Variants in RAB3GAP1 observed in about 807,000 individuals in gnomAD.
RAB3GAP1 encodes the protein RAB3 GTPase activating protein catalytic subunit 1, also known as rab3 GTPase-activating protein catalytic subunit.
Under a neutral mutation model 130.7 loss-of-function variants are expected in RAB3GAP1, and 86 were observed. That is an observed-to-expected ratio of 0.66 (90% CI 0.55 to 0.79). The LOEUF (loss-of-function observed/expected upper bound fraction) is 0.79, where lower values mean the gene tolerates loss of function less well. Among genes scored for constraint, RAB3GAP1 ranks in the 30% least tolerant of loss-of-function variants. The pLI, the probability that RAB3GAP1 is intolerant of heterozygous loss-of-function variation, is 0.00. For synonymous variants in RAB3GAP1, 367 were observed against 401.7 expected, an observed-to-expected ratio of 0.91 and a Z score of 1.03; for missense variants, 1,029 against 1,169.4, an observed-to-expected ratio of 0.88 and a Z score of 1.75.
chr2:135,132,847 A>T, intron 13 of RAB3GAP1, 48 bp from the exon 14 acceptor site: 2 of 1,107,452 alleles, frequency 1.8e-6, no homozygotes, highest in Non-Finnish European at 2.8e-6. Context: ...AATCAACAAA[A>T]TAGGAAATGT....
chr2:135,115,188 T>C, intron 6 of RAB3GAP1, 28 bp from the exon 7 acceptor site: 3 of 1,587,242 alleles, frequency 1.9e-6, no homozygotes, highest in Non-Finnish European at 2.6e-6. Flanking sequence ...GAGCTTGTAT[T>C]CCATTCCTAT....
intron 18 of RAB3GAP1, among the ~76,000 whole-genome samples, 157 bp from the exon 19 acceptor site, chr2:135,153,492 A>C (rs1157549346): frequency 6.6e-6 from 1 of 152,244 alleles, no homozygotes; most frequent in Non-Finnish European, 1.5e-5. Flanking sequence ...TGATACTTTA[A>C]CATCTGACCT....
At chr2:135,070,624 C>T (rs912037696) in intron 3 of RAB3GAP1, among the ~76,000 whole-genome samples, 1 of 152,176 alleles carries the variant, frequency 6.6e-6, no homozygotes, top group African/African-American at 2.4e-5. Context: ...TCTCTTGCCT[C>T]AGTCTCCCGA....
At chr2:135,151,797 C>T (rs1485772864) in intron 18 of RAB3GAP1, among the ~76,000 whole-genome samples, 1 of 152,254 alleles carries the variant, frequency 6.6e-6, no homozygotes, top group Non-Finnish European at 1.5e-5. Context: ...AATTTTCCAT[C>T]TGACCTCTAG....
intron 5 of RAB3GAP1, among the ~76,000 whole-genome samples, chr2:135,108,704 CGTATCA>C (rs1013924352): frequency 5.9e-5 from 9 of 152,092 alleles, no homozygotes; most frequent in Admixed American, 5.2e-4. Flanking sequence ...TGAAGTCTAG[CGTATCA>C]GTTTGTTCTT....
intron 3 of RAB3GAP1, among the ~76,000 whole-genome samples, chr2:135,071,276 C>G (rs1689465317): frequency 6.6e-6 from 1 of 152,134 alleles, no homozygotes. Context: ...CCAGTCTCTA[C>G]CCCCCTAACT....
chr2:135,130,905 T>C (rs974075906), intron 13 of RAB3GAP1, among the ~76,000 whole-genome samples, 184 bp downstream of exon 13: 2 of 152,218 alleles, frequency 1.3e-5, no homozygotes, highest in African/African-American at 4.8e-5. Flanking sequence ...TGATACCATG[T>C]TGCATGTGAG....
exon 25 of RAB3GAP1, chr2:135,176,351 G>A (rs13419577): frequency 0.28 from 40,946 of 145,148 alleles, 9,112 homozygotes; most frequent in African/African-American, 0.6. Context: ...GAATCAACCA[G>A]AGTGTCCATT....
At chr2:135,139,754 CA>C (rs1691784792) in intron 17 of RAB3GAP1, among the ~76,000 whole-genome samples, 1 of 151,952 alleles carries the variant, frequency 6.6e-6, no homozygotes, top group East Asian at 1.9e-4. Flanking sequence ...AGCCATTATC[CA>C]AATGTAACTA....
rs913388986 is a variant in RAB3GAP1 at position 135,052,442 on chromosome 2, G to A, written c.31G>A (p.Val11Ile). The A allele has an allele frequency of 6.2e-7, 1 of 1,614,104 alleles. No homozygotes were observed. The highest frequency in any genetic ancestry group is 8.5e-7 in the Non-Finnish European group (1 of 1,180,042). MAADSEPESE[V>I]FEITDFTTAS... Reference sequence around the variant, plus strand: ...CCCCTTCCCGCAGCCCGAATCCGAGGTATTTGAGATCACGGACTTCACCAC... The same window carrying A: ...CCCCTTCCCGCAGCCCGAATCCGAGATATTTGAGATCACGGACTTCACCAC... Residue 11 changes from valine (V) to isoleucine (I), a missense_variant, in exon 2 of 24, where the codon GTA (valine) becomes ATA (isoleucine). Transcript: ENST00000264158.
Position 135,120,901 on chromosome 2 carries a change from G to A in RAB3GAP1, c.731G>A (p.Trp244Ter). Residue 244 changes from tryptophan to a stop codon, truncating the protein, a stop_gained, in exon 8 of 24, where the codon TGG becomes TAG. Coordinates refer to ENST00000264158, the MANE Select transcript of RAB3GAP1 (RefSeq NM_012233.3). LOFTEE classifies it high-confidence loss of function. ...YVLQDWQQYF[W>*]PQQPPDIDAL... ...CTTCAAGATTGGCAGCAGTATTTTT[G>A]GCCTCAGCAACCTCCAGGTGAGATC... is the stretch of plus-strand genomic sequence containing the variant. 1 of 1,606,128 alleles carries A rather than the reference G, an allele frequency of 6.2e-7. No homozygotes were observed. Among genetic ancestry groups the A allele is most frequent in the South Asian group, 1.1e-5 (1 of 90,894 alleles).
chr2:135,101,555 G>A (rs1334946145), intron 5 of RAB3GAP1, among the ~76,000 whole-genome samples: 1 of 152,084 alleles, frequency 6.6e-6, no homozygotes. Flanking sequence ...TTGGTAGTTC[G>A]AGTTTGTCTA....
intron 3 of RAB3GAP1, chr2:135,089,585 G>A (rs1030326880): frequency 6.5e-6 from 1 of 154,294 alleles, no homozygotes; most frequent in Middle Eastern, 3.3e-3. Context: ...CCATTACTGG[G>A]TATATACCCA....
At position 135,081,327 on chromosome 2, in the gene RAB3GAP1, AATAT is replaced by A. The variant is rs1214688390; in HGVS notation, c.151-9639_151-9636del. 2.2e-3 allele frequency among the ~76,000 whole-genome samples: 138 copies of A among 64,034 alleles called. 1 individual carries two copies. The highest frequency in any genetic ancestry group is 3.8e-3 in the South Asian group (4 of 1,060). The allele number at this position is 64,034 out of a possible 152,430, so 42.0% of individuals were successfully genotyped here. A position where few individuals can be genotyped will look rare whatever the true frequency, so the allele number is the denominator to read the frequency against. The stretch of plus-strand genomic sequence containing the variant: ...GTCTCAAAAAAAAAAAAAAAAAAAA[AATAT>A]ATATATATATATATATATATATATA... On this transcript the variant is annotated intron_variant, in intron 3 of 23. Coordinates refer to ENST00000264158, the MANE Select transcript of RAB3GAP1 (RefSeq NM_012233.3).
chr2:135,082,132 ACT>A (rs1431030872), intron 3 of RAB3GAP1, among the ~76,000 whole-genome samples: 1 of 119,692 alleles, frequency 8.4e-6, no homozygotes, highest in Non-Finnish European at 1.6e-5. Flanking sequence ...ACAGAGCAAG[ACT>A]CTGTCTCAAT....
At chr2:135,155,422 C>A (rs896590853) in intron 19 of RAB3GAP1, among the ~76,000 whole-genome samples, 5 of 152,070 alleles carry the variant, frequency 3.3e-5, no homozygotes, top group African/African-American at 1.2e-4. Flanking sequence ...TCATTAGTTT[C>A]CTTTAAGGAG....
intron 3 of RAB3GAP1, among the ~76,000 whole-genome samples, chr2:135,075,023 C>T (rs1023010653): frequency 6.6e-6 from 1 of 152,060 alleles, no homozygotes; most frequent in Non-Finnish European, 1.5e-5. Flanking sequence ...AATCAGGACT[C>T]CACACTTTGC....
At chr2:135,071,534 A>G (rs1048810276) in intron 3 of RAB3GAP1, among the ~76,000 whole-genome samples, 3 of 144,962 alleles carry the variant, frequency 2.1e-5, no homozygotes, top group Admixed American at 1.4e-4. Context: ...TCGTAGGTTA[A>G]AAAAAAAAAA....
At chr2:135,161,547 G>A (rs1444837170) in intron 19 of RAB3GAP1, among the ~76,000 whole-genome samples, 2 of 152,088 alleles carry the variant, frequency 1.3e-5, no homozygotes, top group Non-Finnish European at 2.9e-5. Context: ...TTCTGGGGAT[G>A]GAGGGTACAC....
Sources: gnomAD v4.1 joint callset for allele counts (sites outside exome capture counted in the v4.1 genomes callset) on GRCh38, gnomAD v4.1.1 for gene constraint, MANE v1.5 for transcripts, NCBI Gene and HGNC (gene_info 2026-07-23, HGNC 2026-07-21) for gene names.